The following MEIKIN variants were observed in gnomAD, a reference collection of about 807,000 sequenced individuals.
MEIKIN encodes the protein meiotic kinetochore factor.
intron 8 of MEIKIN, among the ~76,000 whole-genome samples, chr5:131,902,587 A>G (rs1444861598): frequency 6.6e-6 from 1 of 152,142 alleles, no homozygotes; most frequent in East Asian, 1.9e-4. Context: ...GAGCCAATTA[A>G]GCCTCTTTTC....
chr5:131,916,208 T>C (rs1751413744), intron 7 of MEIKIN, among the ~76,000 whole-genome samples: 1 of 152,218 alleles, frequency 6.6e-6, no homozygotes, highest in African/African-American at 2.4e-5. Flanking sequence ...AAGTCCATCA[T>C]CATCTCTGGT....
intron 8 of MEIKIN, among the ~76,000 whole-genome samples, chr5:131,881,629 G>C (rs1750704125): frequency 6.6e-6 from 1 of 152,058 alleles, no homozygotes; most frequent in South Asian, 2.1e-4. Context: ...ATCTCCACTT[G>C]AAAGCTAATA....
In MEIKIN at chr5:131,821,055, G is replaced by C. The variant is rs147762504; in HGVS notation, c.976-2192C>G. Among the ~76,000 whole-genome samples the C allele has an allele frequency of 1.7e-4, 26 of 151,956 alleles. No individual in the cohort carries two copies. The East Asian group carries it at 4.8e-3, about 28-fold the overall frequency. ...CTTCTACTAATTTTGGGTTTGCTTT[G>C]CTCCTGCTTTTTCTAATTCTTTAAG... On this transcript the variant is annotated intron_variant, in intron 11 of 12. Coordinates refer to ENST00000442687, the MANE Select transcript of MEIKIN (RefSeq NM_001303622.2).
At position 131,945,592 on chromosome 5, in the gene MEIKIN, G is replaced by C; in HGVS notation, c.-87C>G. 5.0e-6 allele frequency: 2 copies of C among 399,622 alleles called. No individual in the cohort carries two copies. The highest frequency in any genetic ancestry group is 8.9e-6 in the Non-Finnish European group (2 of 225,760). The allele number at this position is 399,622 out of a possible 1,614,324, so 24.8% of individuals were successfully genotyped here. ...GAGGATCAGGGCTAAGTCACAGGGA[G>C]TCAGCGTCCAGGCGAGGCCCGCGGA... On this transcript the variant is annotated 5_prime_UTR_variant, in exon 1 of 13. Coordinates refer to ENST00000442687, the MANE Select transcript of MEIKIN (RefSeq NM_001303622.2).
chr5:131,909,180 C>T (rs1751294295), intron 8 of MEIKIN, among the ~76,000 whole-genome samples: 1 of 152,122 alleles, frequency 6.6e-6, no homozygotes. Flanking sequence ...TATGGCGCTA[C>T]AGTAACCCAA....
intron 7 of MEIKIN, among the ~76,000 whole-genome samples, chr5:131,916,516 A>C (rs1453965031): frequency 1.3e-5 from 2 of 151,606 alleles, no homozygotes; most frequent in Non-Finnish European, 2.9e-5. Flanking sequence ...ACCCCAACCC[A>C]CTCTTGTGTT....
intron 9 of MEIKIN, among the ~76,000 whole-genome samples, chr5:131,862,639 A>T (rs1346868708): frequency 6.6e-6 from 1 of 152,116 alleles, no homozygotes; most frequent in East Asian, 1.9e-4. Flanking sequence ...CCCTCTAAGC[A>T]CTGCTTTTAT....
intron 5 of MEIKIN, 120 bp from the exon 6 acceptor site, chr5:131,922,061 T>C: frequency 1.0e-5 from 4 of 392,760 alleles, no homozygotes; most frequent in Non-Finnish European, 1.8e-5. Context: ...TATTTGAAGG[T>C]TTTGGATGAG....
intron 11 of MEIKIN, among the ~76,000 whole-genome samples, chr5:131,843,298 C>T (rs1021680440): frequency 6.6e-6 from 1 of 152,244 alleles, no homozygotes; most frequent in Admixed American, 6.5e-5. Context: ...AACACAGCTC[C>T]TCTTTACTTA....
intron 5 of MEIKIN, among the ~76,000 whole-genome samples, chr5:131,931,107 G>A (rs1328277862): frequency 6.6e-6 from 1 of 152,158 alleles, no homozygotes; most frequent in Non-Finnish European, 1.5e-5. Context: ...GCATTGTACA[G>A]AAGACCCTTA....
At position 131,807,176 on chromosome 5, in the gene MEIKIN, T is replaced by C; in HGVS notation, c.*60A>G. Reference sequence around the variant, plus strand: ...AATTTCAGGCAGACATTCTGCTTTATAGACTTTGACTTCACACTCCTGTCT... The same window carrying C: ...AATTTCAGGCAGACATTCTGCTTTACAGACTTTGACTTCACACTCCTGTCT... On this transcript the variant is annotated 3_prime_UTR_variant, in exon 13 of 13. Transcript: ENST00000442687. 1 of 398,536 alleles carries C rather than the reference T, an allele frequency of 2.5e-6. No individual in the cohort carries two copies. Among genetic ancestry groups the C allele is most frequent in the Non-Finnish European group, 4.4e-6 (1 of 226,024 alleles). The allele number at this position is 398,536 out of a possible 1,614,324, so 24.7% of individuals were successfully genotyped here. A position where few individuals can be genotyped will look rare whatever the true frequency, so the allele number is the denominator to read the frequency against.
chr5:131,854,333 G>A (rs973266360), intron 10 of MEIKIN, among the ~76,000 whole-genome samples: 15 of 152,158 alleles, frequency 9.9e-5, no homozygotes, highest in Admixed American at 9.8e-4. Flanking sequence ...CAGGGGTGGG[G>A]TAGGGAGGAG....
intron 8 of MEIKIN, among the ~76,000 whole-genome samples, chr5:131,906,087 A>T (rs1272319915): frequency 6.6e-6 from 1 of 152,108 alleles, no homozygotes; most frequent in Non-Finnish European, 1.5e-5. Flanking sequence ...AGAATCAATA[A>T]TCTACAGAAT....
intron 9 of MEIKIN, among the ~76,000 whole-genome samples, chr5:131,860,286 T>G (rs1456730405): frequency 6.6e-6 from 1 of 151,550 alleles, no homozygotes; most frequent in Non-Finnish European, 1.5e-5. Flanking sequence ...CCTAGTTTTT[T>G]TTTTTTTTTT....
At chr5:131,875,590 A>G (rs1190593604) in intron 9 of MEIKIN, among the ~76,000 whole-genome samples, 7 of 152,162 alleles carry the variant, frequency 4.6e-5, no homozygotes, top group African/African-American at 1.4e-4. Flanking sequence ...TATAGATTCA[A>G]TGCCATCCCC....
chr5:131,939,729 C>A (rs1751837621), intron 4 of MEIKIN, among the ~76,000 whole-genome samples: 1 of 152,136 alleles, frequency 6.6e-6, no homozygotes, highest in Non-Finnish European at 1.5e-5. Context: ...TTTCAGGTTT[C>A]AAATATCAAT....
rs1751511050 is a variant in MEIKIN, at chr5:131,921,878, C to T, written c.542G>A (p.Ser181Asn). 2.5e-6 allele frequency: 1 copy of T among 398,876 alleles called. No homozygotes were observed. Among genetic ancestry groups the T allele is most frequent in the Non-Finnish European group, 4.4e-6 (1 of 226,052 alleles). 24.7% of individuals were successfully genotyped at this position (398,876 alleles called of 1,614,324 possible). A position where few individuals can be genotyped will look rare whatever the true frequency, so the allele number is the denominator to read the frequency against. Residue 181 changes from serine (S) to asparagine (N), a missense_variant, in exon 6 of 13, where the codon AGT becomes AAT. Physicochemically the swap from Ser to Asn is conservative, Grantham distance 46. Coordinates refer to ENST00000442687, the MANE Select transcript of MEIKIN (RefSeq NM_001303622.2). ...TGCCTTCTCTATCGCTACTGCTTTA[C>T]TGGTATCCAGAAGAGTAGAATTCTT... ...QWKNSTLLDTSKAVAIEKAPQ... is the reference protein window; with the variant it reads ...QWKNSTLLDTNKAVAIEKAPQ...
At chr5:131,830,236 A>T (rs1055896906) in intron 11 of MEIKIN, among the ~76,000 whole-genome samples, 2 of 152,174 alleles carry the variant, frequency 1.3e-5, no homozygotes, top group African/African-American at 4.8e-5. Context: ...CAATAAAAAA[A>T]AAATACAAAA....
chr5:131,884,581 G>A (rs992753401), intron 8 of MEIKIN, among the ~76,000 whole-genome samples: 2 of 152,020 alleles, frequency 1.3e-5, no homozygotes, highest in African/African-American at 4.8e-5. Flanking sequence ...GAGACTGGCT[G>A]CAAGTGACAC....
Sources: allele counts gnomAD v4.1 joint callset (sites outside exome capture counted in the v4.1 genomes callset), GRCh38; gene constraint gnomAD v4.1.1; transcripts MANE v1.5; gene names NCBI Gene and HGNC (gene_info 2026-07-23, HGNC 2026-07-21).